Variants in NSMCE2 observed in about 807,000 individuals in gnomAD.
NSMCE2 encodes the protein NSE2 SUMO ligase component of SMC5/6 complex.
In NSMCE2, 24 loss-of-function variants were observed where a neutral mutation model predicts 23.8. The observed-to-expected ratio is 1.01, with a 90% CI of 0.73 to 1.42. The LOEUF (loss-of-function observed/expected upper bound fraction) is 1.42, where lower values mean the gene tolerates loss of function less well. NSMCE2 is among the 40% of genes most tolerant of loss of function. The pLI, the probability that NSMCE2 is intolerant of heterozygous loss-of-function variation, is 0.00. For missense variants in NSMCE2, 284 were observed against 296.5 expected, an observed-to-expected ratio of 0.96 and a Z score of 0.31; for synonymous variants, 92 against 94.1, an observed-to-expected ratio of 0.98 and a Z score of 0.13.
chr8:125,199,678 G>C (rs1164268000), intron 5 of NSMCE2, among the ~76,000 whole-genome samples: 2 of 152,292 alleles, frequency 1.3e-5, no homozygotes, highest in Non-Finnish European at 2.9e-5. Flanking sequence ...GAGTTTTGTA[G>C]ATGTCTATTA....
intron 4 of NSMCE2, among the ~76,000 whole-genome samples, chr8:125,171,194 C>T (rs1288500947): frequency 6.6e-6 from 1 of 152,196 alleles, no homozygotes; most frequent in African/African-American, 2.4e-5. Flanking sequence ...TTCTCCATGG[C>T]ACTTATACCA....
At chr8:125,094,788 T>C (rs1489615017) in intron 1 of NSMCE2, among the ~76,000 whole-genome samples, 5 of 152,274 alleles carry the variant, frequency 3.3e-5, no homozygotes, top group Non-Finnish European at 7.3e-5. Context: ...CTGCCCTTTT[T>C]ATGTGTCTTC....
chr8:125,096,520 C>A (rs1027774198), intron 1 of NSMCE2, among the ~76,000 whole-genome samples: 6 of 136,724 alleles, frequency 4.4e-5, no homozygotes, highest in Non-Finnish European at 6.3e-5. Context: ...TTATTTTTTT[C>A]TTGAGTTTCT....
chr8:125,366,762 TCA>T lies in NSMCE2; in HGVS notation c.627-3_627-2del. The T allele has an allele frequency of 6.5e-7, 1 of 1,549,884 alleles. No individual in the cohort carries two copies. The highest frequency in any genetic ancestry group is 8.9e-7 in the Non-Finnish European group (1 of 1,121,720). On this transcript the variant is annotated splice_region_variant and splice_polypyrimidine_tract_variant and intron_variant, in intron 7 of 7. Transcript: ENST00000287437. Reference sequence around the variant, plus strand: ...GGACTGACTTGATGTTCTTTCTTTCTCACAGTTGCCCTCAAATTGGCTGTAGC... The same window carrying T: ...GGACTGACTTGATGTTCTTTCTTTCTCAGTTGCCCTCAAATTGGCTGTAGC...
chr8:125,247,212 A>T (rs188842005), intron 5 of NSMCE2, among the ~76,000 whole-genome samples: 1 of 151,860 alleles, frequency 6.6e-6, no homozygotes, highest in East Asian at 1.9e-4. Flanking sequence ...GTGTACCTGT[A>T]GTCCCAGCTA....
chr8:125,321,108 C>T (rs965913440), intron 5 of NSMCE2, among the ~76,000 whole-genome samples: 7 of 152,178 alleles, frequency 4.6e-5, no homozygotes, highest in Non-Finnish European at 1.0e-4. Context: ...CCACCAGGCC[C>T]CACCTCCAGT....
chr8:125,188,286 T>C (rs1360904970), intron 5 of NSMCE2, among the ~76,000 whole-genome samples: 3 of 152,196 alleles, frequency 2.0e-5, no homozygotes, highest in Non-Finnish European at 4.4e-5. Context: ...TGCACAAGGG[T>C]AGTGGTTTTT....
chr8:125,266,097 T>C (rs1056712963), intron 5 of NSMCE2, among the ~76,000 whole-genome samples: 2 of 150,392 alleles, frequency 1.3e-5, no homozygotes, highest in African/African-American at 2.4e-5. Flanking sequence ...TTTTTCTTTT[T>C]TTTTTTTTTT....
intron 5 of NSMCE2, among the ~76,000 whole-genome samples, chr8:125,312,094 G>GAAAGA (rs1340793399): frequency 8.6e-6 from 1 of 116,624 alleles, no homozygotes; most frequent in Non-Finnish European, 2.0e-5. Flanking sequence ...AAAAAAAAAA[G>GAAAGA]AAAGAAAAGA....
At chr8:125,356,159 T>C (rs1053413627) in intron 5 of NSMCE2, among the ~76,000 whole-genome samples, 1 of 151,902 alleles carries the variant, frequency 6.6e-6, no homozygotes, top group South Asian at 2.1e-4. Context: ...AACTGGCTGC[T>C]ATGAAGCCAG....
At chr8:125,216,045 A>G (rs984535175) in intron 5 of NSMCE2, among the ~76,000 whole-genome samples, 5 of 152,172 alleles carry the variant, frequency 3.3e-5, no homozygotes, top group African/African-American at 7.2e-5. Context: ...GAGCAAGACT[A>G]TATCTGTCTC....
intron 4 of NSMCE2, among the ~76,000 whole-genome samples, chr8:125,157,902 T>C (rs1821408828): frequency 6.6e-6 from 1 of 152,136 alleles, no homozygotes; most frequent in Admixed American, 6.5e-5. Flanking sequence ...AATAGGAAAA[T>C]AGGATTTTGT....
At chr8:125,184,408 G>A (rs12115051) in intron 5 of NSMCE2, among the ~76,000 whole-genome samples, 3,285 of 152,114 alleles carry the variant, frequency 0.022, 124 homozygotes, top group African/African-American at 0.075. Flanking sequence ...CAGGCCACCA[G>A]TACACATTAT....
chr8:125,220,371 AAATT>A (rs746912832), intron 5 of NSMCE2, among the ~76,000 whole-genome samples: 30 of 152,198 alleles, frequency 2.0e-4, no homozygotes, highest in Non-Finnish European at 3.7e-4. Context: ...GATTAAAAAA[AAATT>A]AAGGCATTAT....
At chr8:125,118,716 C>T (rs969006606) in intron 3 of NSMCE2, among the ~76,000 whole-genome samples, 1 of 152,114 alleles carries the variant, frequency 6.6e-6, no homozygotes, top group Non-Finnish European at 1.5e-5. Flanking sequence ...TTCTATTAGA[C>T]CAGAGAACTA....
intron 5 of NSMCE2, among the ~76,000 whole-genome samples, chr8:125,272,178 G>A (rs184910912): frequency 6.6e-6 from 1 of 151,558 alleles, no homozygotes; most frequent in Non-Finnish European, 1.5e-5. Context: ...CATGCCTGTC[G>A]AATTTTTTTG....
At chr8:125,191,420 T>A (rs558624041) in intron 5 of NSMCE2, among the ~76,000 whole-genome samples, 158 of 152,158 alleles carry the variant, frequency 1.0e-3, no homozygotes, top group African/African-American at 3.5e-3. Flanking sequence ...AAAAAAAAAA[T>A]TGACTTTTAA....
intron 3 of NSMCE2, among the ~76,000 whole-genome samples, chr8:125,135,537 ATTCT>A (rs1186056780): frequency 3.3e-5 from 5 of 151,790 alleles, no homozygotes; most frequent in Admixed American, 6.6e-5. Flanking sequence ...TAAGTCTGTG[ATTCT>A]TTCTGACTGA....
At chr8:125,291,085 G>A (rs1828088243) in intron 5 of NSMCE2, among the ~76,000 whole-genome samples, 2 of 152,190 alleles carry the variant, frequency 1.3e-5, no homozygotes, top group Non-Finnish European at 1.5e-5. Flanking sequence ...ATAAAAAGAT[G>A]TAATTGTGGT....
Sources: gnomAD v4.1 joint callset for allele counts (sites outside exome capture counted in the v4.1 genomes callset) on GRCh38, gnomAD v4.1.1 for gene constraint, MANE v1.5 for transcripts, NCBI Gene and HGNC (gene_info 2026-07-23, HGNC 2026-07-21) for gene names.